The following ELOC variants were observed in gnomAD, a reference collection of about 807,000 sequenced individuals.
ELOC encodes the protein elongin C, also known as elongin-C.
For missense variants in ELOC, 38 were observed against 139.0 expected (o/e 0.27, Z 3.65); for synonymous variants, 40 against 51.3 (o/e 0.78, Z 0.94).
At chr8:73,954,600 C>T (rs1173099009) in intron 3 of ELOC, among the ~76,000 whole-genome samples, 1 of 149,396 alleles carries the variant, frequency 6.7e-6, no homozygotes, top group Non-Finnish European at 1.5e-5. Context: ...TGCAGTGAGC[C>T]GAGATCGTGC....
intron 2 of ELOC, among the ~76,000 whole-genome samples, chr8:73,958,093 T>G (rs1200601331): frequency 2.4e-5 from 1 of 42,414 alleles, no homozygotes; most frequent in Non-Finnish European, 5.1e-5. Context: ...TTATTTATGG[T>G]TTTTTTTTTT....
intron 2 of ELOC, among the ~76,000 whole-genome samples, chr8:73,957,968 G>C (rs1814315240): frequency 6.6e-6 from 1 of 151,776 alleles, no homozygotes; most frequent in Non-Finnish European, 1.5e-5. Context: ...GTAGAGATGG[G>C]GTTTCACCAT....
intron 3 of ELOC, among the ~76,000 whole-genome samples, chr8:73,952,798 G>T (rs1201322920): frequency 6.6e-6 from 1 of 150,938 alleles, no homozygotes; most frequent in Non-Finnish European, 1.5e-5. Flanking sequence ...CTATGGAATG[G>T]GAGAAAATAT....
intron 3 of ELOC, among the ~76,000 whole-genome samples, chr8:73,952,653 C>T (rs887775504): frequency 6.6e-5 from 10 of 150,804 alleles, no homozygotes; most frequent in Admixed American, 4.6e-4. Context: ...TGGTGGCGGG[C>T]GCCTGTGGTC....
intron 2 of ELOC, among the ~76,000 whole-genome samples, chr8:73,957,901 C>G (rs1448690433): frequency 6.6e-6 from 1 of 152,084 alleles, no homozygotes; most frequent in Non-Finnish European, 1.5e-5. Context: ...GCCTCAGCCT[C>G]CCGAGCAGCT....
intron 1 of ELOC, chr8:73,970,722 T>C (rs1478346956): frequency 6.6e-6 from 1 of 151,954 alleles, no homozygotes; most frequent in African/African-American, 2.4e-5. Flanking sequence ...CTTTCGGGGA[T>C]CAAAAAGCAA....
Position 73,949,129 on chromosome 8 carries a change from T to A in ELOC, c.149-2309A>T, listed in dbSNP as rs1320061988. Among the ~76,000 whole-genome samples the A allele has an allele frequency of 2.6e-5, 4 of 152,228 alleles. No homozygotes were observed. In the East Asian group the frequency reaches 7.7e-4, roughly 29 times the overall value. The stretch of plus-strand genomic sequence containing the variant: ...CACTGTATGCTGAATATAAAAGGCA[T>A]TTCACATCTACAAATATACTTTGAG... On this transcript the variant is annotated intron_variant, in intron 3 of 3. Coordinates refer to ENST00000520242, the MANE Select transcript of ELOC (RefSeq NM_005648.4).
chr8:73,955,605 C>CAAAA, intron 3 of ELOC: 2 of 189,034 alleles, frequency 1.1e-5, no homozygotes, highest in Admixed American at 7.2e-5. Flanking sequence ...GACTCTGTCT[C>CAAAA]AAAAAAAAAA....
chr8:73,964,951 C>T (rs1179957783), intron 1 of ELOC, among the ~76,000 whole-genome samples: 1 of 143,694 alleles, frequency 7.0e-6, no homozygotes, highest in Non-Finnish European at 1.5e-5. Context: ...CACCTGAGCC[C>T]GAGGAGGGTA....
In ELOC at chr8:73,970,859, C is replaced by A. The variant is rs6980839; in HGVS notation, c.-51+1218G>T. Among the ~76,000 whole-genome samples, 80,394 of 144,124 alleles carry A rather than the reference C, an allele frequency of 0.56. 23,454 individuals are homozygous for A. The highest frequency in any genetic ancestry group is 0.76 in the African/African-American group (29,120 of 38,374). The allele number at this position is 144,124 out of a possible 152,430, so 94.6% of individuals were successfully genotyped here. On this transcript the variant is annotated intron_variant, in intron 1 of 3. Coordinates refer to ENST00000520242, the MANE Select transcript of ELOC (RefSeq NM_005648.4). ...GTGAAACCCCATCTCTACTAAAAAACAAAACAAAACAAAAAAAAAACAAAA... is the reference window on the plus strand; with the variant it reads ...GTGAAACCCCATCTCTACTAAAAAAAAAAACAAAACAAAAAAAAAACAAAA...
chr8:73,945,872 TGAAG>T lies in ELOC; in HGVS notation c.*754_*757del, dbSNP rs556532562. The stretch of plus-strand genomic sequence containing the variant: ...GAAGTATAATCACAACAAGGGACTA[TGAAG>T]GAAGAATAAATATTGCAAACGACGC... On this transcript the variant is annotated 3_prime_UTR_variant, in exon 4 of 4. Coordinates refer to ENST00000520242, the MANE Select transcript of ELOC (RefSeq NM_005648.4). 5.5e-4 allele frequency: 84 copies of T among 152,256 alleles called. No individual in the cohort carries two copies. Among genetic ancestry groups the T allele is most frequent in the African/African-American group, 1.8e-3 (75 of 41,568 alleles). 9.4% of individuals were successfully genotyped at this position (152,256 alleles called of 1,614,324 possible). A position where few individuals can be genotyped will look rare whatever the true frequency, so the allele number is the denominator to read the frequency against.
chr8:73,958,864 T>C (rs900130), intron 2 of ELOC, among the ~76,000 whole-genome samples: 25,792 of 152,086 alleles, frequency 0.17, 2,531 homozygotes, highest in Middle Eastern at 0.3. Flanking sequence ...CATTAGGCAA[T>C]CTTATCATGA....
At chr8:73,959,666 C>A in intron 2 of ELOC, 99 bp downstream of exon 2, 4 of 987,382 alleles carry the variant, frequency 4.1e-6, no homozygotes, top group Non-Finnish European at 3.0e-6. Context: ...TAATTTCAGT[C>A]TACTGAAATT....
chr8:73,963,385 CAT>C (rs1221032057), intron 1 of ELOC, among the ~76,000 whole-genome samples: 4 of 152,256 alleles, frequency 2.6e-5, no homozygotes, highest in Admixed American at 6.5e-5. Flanking sequence ...TTTGTTCTCA[CAT>C]GTTTCTTGTT....
At chr8:73,960,094 G>C (rs1266271891) in intron 1 of ELOC, among the ~76,000 whole-genome samples, 1 of 152,134 alleles carries the variant, frequency 6.6e-6, no homozygotes, top group East Asian at 1.9e-4. Flanking sequence ...GATTGGGGGT[G>C]GGGTTGTTGA....
intron 3 of ELOC, among the ~76,000 whole-genome samples, chr8:73,950,641 G>T (rs1228317522): frequency 6.6e-6 from 1 of 152,168 alleles, no homozygotes; most frequent in African/African-American, 2.4e-5. Context: ...TGACAACCTG[G>T]AACCCACTGA....
In ELOC at chr8:73,945,769, G is replaced by C. The variant is rs2131047578; in HGVS notation, c.*861C>G. ...ATTCTAATTGGATGGAGAAAGACTGGAATAGTTCAAAAAGGTGTAGCTTTT... is the reference window on the plus strand; with the variant it reads ...ATTCTAATTGGATGGAGAAAGACTGCAATAGTTCAAAAAGGTGTAGCTTTT... On this transcript the variant is annotated 3_prime_UTR_variant, in exon 4 of 4. Coordinates refer to ENST00000520242, the MANE Select transcript of ELOC (RefSeq NM_005648.4). 6.6e-6 allele frequency: 1 copy of C among 152,204 alleles called. No homozygotes were observed. Among genetic ancestry groups the C allele is most frequent in the South Asian group, 2.1e-4 (1 of 4,808 alleles). The allele number at this position is 152,204 out of a possible 1,614,324, so 9.4% of individuals were successfully genotyped here.
At chr8:73,956,697 C>A (rs892946471) in intron 2 of ELOC, among the ~76,000 whole-genome samples, 3 of 152,078 alleles carry the variant, frequency 2.0e-5, no homozygotes, top group Admixed American at 6.5e-5. Flanking sequence ...AATTCTATCA[C>A]CTGAAATACT....
chr8:73,947,803 G>A (rs1029117515), intron 3 of ELOC, among the ~76,000 whole-genome samples: 2 of 151,936 alleles, frequency 1.3e-5, no homozygotes, highest in African/African-American at 2.4e-5. Flanking sequence ...TTGAACTACT[G>A]GACTCAAGTG....
Sources: allele counts gnomAD v4.1 joint callset (sites outside exome capture counted in the v4.1 genomes callset), GRCh38; gene constraint gnomAD v4.1.1; transcripts MANE v1.5; gene names NCBI Gene and HGNC (gene_info 2026-07-23, HGNC 2026-07-21).